The following ZER1 variants were observed in gnomAD, a reference collection of about 807,000 sequenced individuals.
ZER1 encodes zyg-11 related cell cycle regulator.
A neutral mutation model predicts 78.8 loss-of-function variants in ZER1; 11 were observed. The observed-to-expected ratio is 0.14, with a 90% CI of 0.09 to 0.23. The LOEUF is 0.23. Among genes scored for constraint, ZER1 ranks in the 10% least tolerant of loss-of-function variants. The probability of loss-of-function intolerance (pLI) is 1.00; values close to 1 mark genes in which losing one functional copy is unlikely to be tolerated. For synonymous variants in ZER1, 400 were observed against 407.0 expected (o/e 0.98, Z 0.21); for missense variants, 588 against 996.9 (o/e 0.59, Z 5.52).
chr9:128,734,190 A>G (rs1213104508), intron 14 of ZER1, among the ~76,000 whole-genome samples: 7 of 102,336 alleles, frequency 6.8e-5, no homozygotes, highest in Non-Finnish European at 1.2e-4. Context: ...ATATATATAT[A>G]TATAATAGAT....
At chr9:128,735,128 C>T (rs1164520984) in intron 14 of ZER1, among the ~76,000 whole-genome samples, 1 of 152,230 alleles carries the variant, frequency 6.6e-6, no homozygotes, top group Admixed American at 6.5e-5. Flanking sequence ...ACAGGTATTT[C>T]GCCTGCCAGG....
At chr9:128,762,338 CA>C (rs1240807859) in intron 1 of ZER1, among the ~76,000 whole-genome samples, 1 of 152,184 alleles carries the variant, frequency 6.6e-6, no homozygotes, top group Non-Finnish European at 1.5e-5. Flanking sequence ...CGGGAAGCCA[CA>C]GGGCACACTG....
chr9:128,764,285 G>A (rs1864139005), intron 1 of ZER1, among the ~76,000 whole-genome samples: 1 of 152,180 alleles, frequency 6.6e-6, no homozygotes, highest in African/African-American at 2.4e-5. Flanking sequence ...AGGCCTGGGA[G>A]GTATAGTACA....
chr9:128,736,296 G>C (rs1316941439), intron 13 of ZER1, among the ~76,000 whole-genome samples: 3 of 152,056 alleles, frequency 2.0e-5, no homozygotes, highest in Non-Finnish European at 4.4e-5. Context: ...ATGTTGGCCA[G>C]GTTGGTTTCG....
In ZER1 at chr9:128,755,278, T is replaced by C; in HGVS notation, c.158+130A>G. 1.5e-6 allele frequency: 2 copies of C among 1,306,988 alleles called. No homozygotes were observed. The highest frequency in any genetic ancestry group is 2.3e-5 in the East Asian group (1 of 42,916). 81.0% of individuals were successfully genotyped at this position (1,306,988 alleles called of 1,614,324 possible). ...ATTCTCTTGCAGCCATGAACATCCA[T>C]GTGCACACACACACACCCTCACACA... On this transcript the variant is annotated intron_variant, in intron 2 of 15. Coordinates refer to ENST00000291900, the MANE Select transcript of ZER1 (RefSeq NM_006336.4). This position sits in a 1 kb window ranked among gnomAD's most constrained non-coding sequence, Gnocchi z 5.6.
Position 128,742,646 on chromosome 9 carries a change from T to G in ZER1, c.1459A>C (p.Asn487His). The G allele has an allele frequency of 6.2e-7, 1 of 1,614,190 alleles. No individual in the cohort carries two copies. The change falls in exon 9 of 16, where the codon AAC (asparagine) becomes CAC (histidine). Residue 487 changes from asparagine to histidine, a missense_variant. Transcript: ENST00000291900. ...RVNELLLSIL[N>H]PTRQDESIQR... is the part of the protein sequence containing the mutation. ...ATAGACTCGTCCTGCCGCGTGGGGT[T>G]GAGGATGCTGAGCAGGAGCTCGTTG...
chr9:128,771,218 G>C (rs1043865196), intron 1 of ZER1, among the ~76,000 whole-genome samples: 1 of 152,142 alleles, frequency 6.6e-6, no homozygotes, highest in African/African-American at 2.4e-5. Flanking sequence ...CCTATACTTT[G>C]TGTCATCCCT....
At chr9:128,731,919 C>A (rs372378042) in intron 15 of ZER1, among the ~76,000 whole-genome samples, 87 of 152,338 alleles carry the variant, frequency 5.7e-4, no homozygotes, top group African/African-American at 1.7e-3. Context: ...AGCACTCCAG[C>A]TCAGATTTCG....
chr9:128,737,985 G>T (rs1863144712), intron 13 of ZER1, among the ~76,000 whole-genome samples: 1 of 152,078 alleles, frequency 6.6e-6, no homozygotes, highest in South Asian at 2.1e-4. Flanking sequence ...TTACAGGTGT[G>T]AGCCACTGTG....
At chr9:128,750,448 G>A (rs1564400988) in intron 8 of ZER1, among the ~76,000 whole-genome samples, 168 bp downstream of exon 8, 1 of 152,198 alleles carries the variant, frequency 6.6e-6, no homozygotes, top group Non-Finnish European at 1.5e-5. Flanking sequence ...GCAGCCAGGA[G>A]TGATGGACTG....
At chr9:128,769,015 A>T (rs1484682836) in intron 1 of ZER1, among the ~76,000 whole-genome samples, 1 of 152,056 alleles carries the variant, frequency 6.6e-6, no homozygotes, top group African/African-American at 2.4e-5. Flanking sequence ...CCTGGCCTCA[A>T]GCGATCCTCC....
Position 128,751,502 on chromosome 9 carries a change from T to C in ZER1, c.949A>G (p.Ile317Val). 6.2e-7 allele frequency: 1 copy of C among 1,613,892 alleles called. No homozygotes were observed. Among genetic ancestry groups the C allele is most frequent in the South Asian group, 1.1e-5 (1 of 91,082 alleles). The change falls in exon 6 of 16, where the codon ATA becomes GTA. Residue 317 changes from isoleucine to valine, a missense_variant. Physicochemically the swap from Ile to Val is conservative, Grantham distance 29. Coordinates refer to ENST00000291900, the MANE Select transcript of ZER1 (RefSeq NM_006336.4). The surrounding 1 kb of genome is among the most constrained non-coding windows in gnomAD (Gnocchi z 5.4). ...TSIEPSKSSI[I>V]PFRALKRPLQ... is the part of the protein sequence containing the mutation. ...GGCCTCTTCAGAGCCCGGAAAGGTA[T>C]GATGCTGCTCTTGGAAGGCTCAATG...
chr9:128,749,265 T>C (rs961492968), intron 8 of ZER1, among the ~76,000 whole-genome samples: 2 of 150,524 alleles, frequency 1.3e-5, no homozygotes, highest in South Asian at 2.1e-4. Flanking sequence ...GAGGCAGAGA[T>C]TGCAGTGAGC....
At chr9:128,735,305 G>T in intron 14 of ZER1, 29 bp downstream of exon 14, 1 of 1,595,548 alleles carries the variant, frequency 6.3e-7, no homozygotes. Context: ...CTGGATGAGT[G>T]TCTGAACCCA....
Position 128,753,203 on chromosome 9 carries a change from T to A in ZER1, c.707A>T (p.Asp236Val). The change falls in exon 4 of 16, where the codon GAC becomes GTC. Residue 236 changes from aspartate (D) to valine (V), a missense_variant. By Grantham distance (152) the Asp-to-Val change is radical. This residue lies in a region of ZER1 where 406 missense variants were observed against 660.1 expected (regional missense o/e 0.62). Transcript: ENST00000291900. The surrounding 1 kb of genome is among the most constrained non-coding windows in gnomAD (Gnocchi z 7.5). ...CTGCACGATGACCCGGATGTGGTCG[T>A]CGGACAGGTCCATGTTGTAGAGGAC... is the stretch of plus-strand genomic sequence containing the variant. ...SLVLYNMDLS[D>V]DHIRVIVQLH... 4 of 1,572,760 alleles carry A rather than the reference T, an allele frequency of 2.5e-6. No individual in the cohort carries two copies. In the South Asian group the frequency reaches 4.6e-5, roughly 18 times the overall value.
chr9:128,746,013 T>G, intron 8 of ZER1: 1 of 151,576 alleles, frequency 6.6e-6, no homozygotes. Context: ...CTAATTTTTG[T>G]ATTTTTGGTA....
chr9:128,761,502 G>A (rs1176385900), intron 1 of ZER1, among the ~76,000 whole-genome samples: 11 of 141,396 alleles, frequency 7.8e-5, no homozygotes, highest in Non-Finnish European at 1.7e-4. Context: ...AGCCAGGCTG[G>A]TCTCGAACTC....
In ZER1 at chr9:128,755,486, T is replaced by G; in HGVS notation, c.80A>C (p.Tyr27Ser). ...CLRNLDGTLGYLLDKETLRLH... is the reference protein window; with the variant it reads ...CLRNLDGTLGSLLDKETLRLH... ...CCGCAGGGTCTCCTTGTCCAGCAGG[T>G]AGCCCAGGGTGCCATCCAGGTTGCG... Residue 27 changes from tyrosine to serine, a missense_variant, in exon 2 of 16, where the codon TAC (tyrosine) becomes TCC (serine). Tyr to Ser is a moderately radical substitution (Grantham distance 144). This residue lies in a region of ZER1 where 406 missense variants were observed against 660.1 expected (regional missense o/e 0.62). Coordinates refer to ENST00000291900, the MANE Select transcript of ZER1 (RefSeq NM_006336.4). This position sits in a 1 kb window ranked among gnomAD's most constrained non-coding sequence, Gnocchi z 5.6. 6.2e-7 allele frequency: 1 copy of G among 1,613,986 alleles called. No individual in the cohort carries two copies. The highest frequency in any genetic ancestry group is 8.5e-7 in the Non-Finnish European group (1 of 1,180,008).
intron 1 of ZER1, among the ~76,000 whole-genome samples, chr9:128,760,366 C>G (rs754807988): frequency 3.3e-5 from 5 of 152,008 alleles, no homozygotes; most frequent in Non-Finnish European, 7.4e-5. Flanking sequence ...CCACGCCCGG[C>G]TAATATTTTG....
Sources: gnomAD v4.1 joint callset for allele counts (sites outside exome capture counted in the v4.1 genomes callset) on GRCh38, gnomAD v4.1.1 for gene constraint, gnomAD v4.1.1 regional missense constraint, Gnocchi (gnomAD v3.1) non-coding constraint, MANE v1.5 for transcripts, NCBI Gene and HGNC (gene_info 2026-07-23, HGNC 2026-07-21) for gene names.